KANK1: variants seen among roughly 807,000 people sequenced by gnomAD.
KANK1 encodes KN motif and ankyrin repeat domain-containing protein 1.
Under a neutral mutation model 106.2 loss-of-function variants are expected in KANK1, and 109 were observed. The observed-to-expected ratio is 1.03, with a 90% CI of 0.88 to 1.20. The LOEUF is 1.20. KANK1 is among the 50% of genes most tolerant of loss of function. KANK1 has a pLI of 0.00. For missense variants in KANK1, 2,399 were observed against 1,710.7 expected, an observed-to-expected ratio of 1.40 and a Z score of -7.10; for synonymous variants, 873 against 652.2, an observed-to-expected ratio of 1.34 and a Z score of -5.16.
chr9:745,022 G>A (rs1480652023), intron 11 of KANK1, 151 bp from the exon 12 acceptor site: 1 of 1,508,798 alleles, frequency 6.6e-7, no homozygotes, highest in Non-Finnish European at 8.8e-7. Flanking sequence ...TGGAGCTGTG[G>A]ACACCTGTTC....
chr9:504,587 C>A (rs1340586255), upstream of KANK1: 1 of 151,612 alleles, frequency 6.6e-6, no homozygotes, highest in Non-Finnish European at 1.5e-5. Flanking sequence ...GAGAGGCTTG[C>A]TGGTCCGCCC....
intron 9 of KANK1, among the ~76,000 whole-genome samples, chr9:741,668 T>C (rs539523866): frequency 5.0e-4 from 76 of 152,124 alleles, no homozygotes; most frequent in Non-Finnish European, 8.5e-4. Flanking sequence ...TTTGTATTTT[T>C]AGTAGAGACA....
chr9:716,753 A>G (rs779465957), intron 3 of KANK1, among the ~76,000 whole-genome samples: 2 of 152,200 alleles, frequency 1.3e-5, no homozygotes, highest in Non-Finnish European at 2.9e-5. Context: ...CAACTAGAGC[A>G]TGCATCATAA....
Position 597,968 on chromosome 9 carries a change from CTA to C in KANK1, c.-83-78920_-83-78919del, listed in dbSNP as rs761789676. ...GTGTGAGCCACCACCCCTGGCCTCC[CTA>C]TGTTTTCTTCTAAGAAGTTATGCTT... On this transcript the variant is annotated intron_variant, in intron 1 of 11. Coordinates refer to ENST00000382297, the MANE Select transcript of KANK1 (RefSeq NM_015158.5). Among the ~76,000 whole-genome samples the C allele has an allele frequency of 1.2e-4, 18 of 151,612 alleles. 1 individual carries two copies. The highest frequency in any genetic ancestry group is 2.4e-4 in the Non-Finnish European group (16 of 67,940).
intron 1 of KANK1, among the ~76,000 whole-genome samples, chr9:652,707 T>C (rs186327393): frequency 1.1e-4 from 16 of 152,300 alleles, no homozygotes; most frequent in Admixed American, 7.2e-4. Context: ...TTGGGAAGAA[T>C]GTATAGGTAC....
At chr9:625,291 C>T (rs10124549) in intron 1 of KANK1, among the ~76,000 whole-genome samples, 2 of 152,234 alleles carry the variant, frequency 1.3e-5, no homozygotes, top group South Asian at 4.1e-4. Flanking sequence ...AGATAAAAAC[C>T]GTTAAGTATT....
At chr9:609,384 T>C (rs528393656) in intron 1 of KANK1, among the ~76,000 whole-genome samples, 1 of 152,164 alleles carries the variant, frequency 6.6e-6, no homozygotes, top group Non-Finnish European at 1.5e-5. Flanking sequence ...TCCCAGCACT[T>C]TGGGAGGCCG....
chr9:549,938 G>C (rs1025902360), intron 1 of KANK1, among the ~76,000 whole-genome samples: 1 of 152,010 alleles, frequency 6.6e-6, no homozygotes, highest in African/African-American at 2.4e-5. Context: ...TGGGTTGAGG[G>C]GGCAGTGGTC....
chr9:728,631 G>T (rs1248229990), intron 3 of KANK1, among the ~76,000 whole-genome samples: 1 of 152,174 alleles, frequency 6.6e-6, no homozygotes, highest in East Asian at 1.9e-4. Context: ...ACCTATTTAG[G>T]TCTGAAAAGA....
At chr9:690,442 G>A (rs1238757993) in intron 2 of KANK1, among the ~76,000 whole-genome samples, 1 of 152,086 alleles carries the variant, frequency 6.6e-6, no homozygotes, top group Admixed American at 6.6e-5. Flanking sequence ...CATGACATAA[G>A]CTTCATCTGT....
chr9:715,064 A>G (rs1827317130), intron 3 of KANK1, among the ~76,000 whole-genome samples: 1 of 152,226 alleles, frequency 6.6e-6, no homozygotes, highest in Non-Finnish European at 1.5e-5. Context: ...TTATTTTTAT[A>G]TCTTCCTAGG....
chr9:541,293 C>G (rs9408619), intron 1 of KANK1, among the ~76,000 whole-genome samples: 9,078 of 152,192 alleles, frequency 0.06, 310 homozygotes, highest in South Asian at 0.083. Flanking sequence ...TCGGTTGGCT[C>G]TTTGACAAAG....
intron 1 of KANK1, among the ~76,000 whole-genome samples, chr9:619,924 G>A (rs1832741357): frequency 6.6e-6 from 1 of 152,070 alleles, no homozygotes; most frequent in Non-Finnish European, 1.5e-5. Flanking sequence ...ATCACCTGAA[G>A]TCAGGAGTTC....
intron 2 of KANK1, among the ~76,000 whole-genome samples, chr9:690,705 A>C (rs1819707158): frequency 6.6e-6 from 1 of 152,178 alleles, no homozygotes; most frequent in South Asian, 2.1e-4. Context: ...TTATCTCTAG[A>C]CTAATGGAGC....
At chr9:700,711 T>C (rs1308305470) in intron 2 of KANK1, among the ~76,000 whole-genome samples, 2 of 152,182 alleles carry the variant, frequency 1.3e-5, no homozygotes, top group African/African-American at 4.8e-5. Flanking sequence ...ACAATAACAT[T>C]AATGGGAATT....
chr9:706,900 C>G (rs1824379066), intron 2 of KANK1: 5 of 985,412 alleles, frequency 5.1e-6, no homozygotes, highest in Non-Finnish European at 6.0e-6. Context: ...AAAAACAGAG[C>G]CTCTCTGTAG....
At chr9:561,322 A>G (rs192368359) in intron 1 of KANK1, among the ~76,000 whole-genome samples, 1 of 152,360 alleles carries the variant, frequency 6.6e-6, no homozygotes, top group Non-Finnish European at 1.5e-5. Context: ...TTCACTTGAT[A>G]GAGCATGTAT....
Position 744,504 on chromosome 9 carries a change from C to T in KANK1, c.3911C>T (p.Ala1304Val), listed in dbSNP as rs757987657. ...GHLEDNDGST[A>V]LSIALEAGHK... The stretch of plus-strand genomic sequence containing the variant: ...TCTTATCTTAAGGATGGCAGCACTG[C>T]GCTCTCAATCGCCCTGGAAGCAGGA... Residue 1304 changes from alanine to valine, a missense_variant, in exon 11 of 12, where the codon GCG (alanine) becomes GTG (valine). Transcript: ENST00000382297. The T allele has an allele frequency of 9.3e-6, 15 of 1,613,814 alleles. No individual in the cohort carries two copies. The highest frequency in any genetic ancestry group is 5.0e-5 in the Admixed American group (3 of 59,992).
chr9:690,596 G>C (rs1418651917), intron 2 of KANK1, among the ~76,000 whole-genome samples: 1 of 152,100 alleles, frequency 6.6e-6, no homozygotes, highest in Non-Finnish European at 1.5e-5. Context: ...GGGAACATTG[G>C]GGGAGGAAAG....
Sources: gnomAD v4.1 joint callset for allele counts (sites outside exome capture counted in the v4.1 genomes callset) on GRCh38, gnomAD v4.1.1 for gene constraint, MANE v1.5 for transcripts, NCBI Gene and HGNC (gene_info 2026-07-23, HGNC 2026-07-21) for gene names.